DLC1: variants seen among roughly 807,000 people sequenced by gnomAD.
DLC1 encodes the protein rho GTPase-activating protein 7.
Under a neutral mutation model 140.3 loss-of-function variants are expected in DLC1, and 54 were observed. The observed-to-expected ratio is 0.38, with a 90% CI of 0.31 to 0.48. The LOEUF is 0.48. Ranked by LOEUF, DLC1 falls within the 20% of genes least tolerant of loss-of-function variation. The probability of loss-of-function intolerance (pLI) is 0.96; values close to 1 mark genes in which losing one functional copy is unlikely to be tolerated. For missense variants in DLC1, 2,536 were observed against 1,907.0 expected (o/e 1.33, Z -6.14); for synonymous variants, 986 against 728.1 (o/e 1.35, Z -5.70).
chr8:13,517,758 A>G (rs1188293149), upstream of DLC1, among the ~76,000 whole-genome samples: 1 of 152,238 alleles, frequency 6.6e-6, no homozygotes, highest in African/African-American at 2.4e-5. Context: ...AAAACAAAGT[A>G]TCAGGATAGG....
intron 2 of DLC1, among the ~76,000 whole-genome samples, chr8:13,408,633 C>T (rs141908979): frequency 2.5e-3 from 379 of 152,178 alleles, no homozygotes; most frequent in African/African-American, 8.8e-3. Flanking sequence ...TAAATCATTT[C>T]GTAAGTATGC....
chr8:13,603,998 A>G (rs1416901472), intron 1 of DLC1, among the ~76,000 whole-genome samples: 1 of 152,292 alleles, frequency 6.6e-6, no homozygotes, highest in Admixed American at 6.5e-5. Context: ...AAACTCTATG[A>G]AAAAGCTTAT....
intron 1 of DLC1, among the ~76,000 whole-genome samples, chr8:13,534,586 T>A (rs1392713814): frequency 6.6e-6 from 1 of 152,144 alleles, no homozygotes; most frequent in Non-Finnish European, 1.5e-5. Flanking sequence ...CTCTTTGCTC[T>A]GCAGACCCTA....
chr8:13,497,671 G>T, intron 2 of DLC1, among the ~76,000 whole-genome samples: 1 of 152,110 alleles, frequency 6.6e-6, no homozygotes, highest in South Asian at 2.1e-4. Flanking sequence ...TATTTTAGGG[G>T]AGCTATGCCA....
chr8:13,557,036 G>T (rs901258114), intron 1 of DLC1, among the ~76,000 whole-genome samples: 3 of 152,150 alleles, frequency 2.0e-5, no homozygotes, highest in African/African-American at 7.2e-5. Flanking sequence ...ATATTCAGGG[G>T]TCTGAAGGGT....
intron 5 of DLC1, among the ~76,000 whole-genome samples, chr8:13,197,651 A>AT (rs944004738): frequency 2.0e-5 from 3 of 151,286 alleles, no homozygotes; most frequent in East Asian, 1.9e-4. Flanking sequence ...AGGCCGATTT[A>AT]TTTTTTTTTA....
At chr8:13,097,234 A>G (rs1818576737) in intron 10 of DLC1, among the ~76,000 whole-genome samples, 1 of 142,306 alleles carries the variant, frequency 7.0e-6, no homozygotes, top group Non-Finnish European at 1.5e-5. Context: ...GATGCTACAA[A>G]TATTCACATC....
At chr8:13,129,664 C>T (rs1301185520) in intron 5 of DLC1, among the ~76,000 whole-genome samples, 1 of 152,172 alleles carries the variant, frequency 6.6e-6, no homozygotes, top group East Asian at 1.9e-4. Flanking sequence ...TGAAAATCAC[C>T]TTTCTCCCCA....
At chr8:13,176,394 C>A (rs529397143) in intron 5 of DLC1, among the ~76,000 whole-genome samples, 19 of 152,182 alleles carry the variant, frequency 1.2e-4, no homozygotes, top group African/African-American at 4.3e-4. Context: ...CTGGCTAACA[C>A]CGTGAAACCC....
At chr8:13,145,520 C>G (rs1288902611) in intron 5 of DLC1, among the ~76,000 whole-genome samples, 1 of 152,138 alleles carries the variant, frequency 6.6e-6, no homozygotes, top group African/African-American at 2.4e-5. Context: ...AGCAATTCTA[C>G]TCTAAGGGAT....
intron 5 of DLC1, among the ~76,000 whole-genome samples, chr8:13,268,147 A>T (rs942928924): frequency 6.6e-6 from 1 of 152,200 alleles, no homozygotes; most frequent in Admixed American, 6.5e-5. Context: ...CTCTATCTTA[A>T]ATAGTGGCAT....
chr8:13,279,937 G>A, intron 5 of DLC1, among the ~76,000 whole-genome samples: 1 of 151,966 alleles, frequency 6.6e-6, no homozygotes, highest in Non-Finnish European at 1.5e-5. Flanking sequence ...TAGAACAAGT[G>A]GAAATATGAG....
Position 13,514,673 on chromosome 8 carries a change from C to G in DLC1, c.-197G>C, listed in dbSNP as rs1049593738. On this transcript the variant is annotated 5_prime_UTR_variant, in exon 1 of 18. Coordinates refer to ENST00000276297, the MANE Select transcript of DLC1 (RefSeq NM_182643.3). ...CTCAGGCTAGGAAAGAAGTCCGTCC[C>G]CGTTAGTTTCTCCAAAATCTAAGTT... The G allele has an allele frequency of 1.8e-5, 7 of 398,478 alleles. No individual in the cohort carries two copies. In the Admixed American group the frequency reaches 2.6e-4, roughly 15 times the overall value. 24.7% of individuals were successfully genotyped at this position (398,478 alleles called of 1,614,324 possible).
intron 4 of DLC1, among the ~76,000 whole-genome samples, chr8:13,382,713 C>T (rs540498649): frequency 6.6e-6 from 1 of 152,086 alleles, no homozygotes; most frequent in South Asian, 2.1e-4. Flanking sequence ...AAAATAAAAT[C>T]CTTTGCTAAG....
At chr8:13,350,096 A>C (rs1215360557) in intron 4 of DLC1, among the ~76,000 whole-genome samples, 1 of 152,222 alleles carries the variant, frequency 6.6e-6, no homozygotes, top group Non-Finnish European at 1.5e-5. Context: ...TGGCCAGATC[A>C]AATGACGCCT....
At chr8:13,505,666 C>T (rs748051830) in intron 1 of DLC1, among the ~76,000 whole-genome samples, 9 of 152,042 alleles carry the variant, frequency 5.9e-5, no homozygotes, top group Admixed American at 2.0e-4. Flanking sequence ...GTCTCATGTA[C>T]GTAGCAAAGA....
At chr8:13,603,632 A>G (rs1045351000) in intron 1 of DLC1, among the ~76,000 whole-genome samples, 10 of 152,084 alleles carry the variant, frequency 6.6e-5, no homozygotes, top group Non-Finnish European at 7.4e-5. Flanking sequence ...TCTCCCCAGT[A>G]TAAACGTTCA....
chr8:13,492,777 T>G (rs1262885323), intron 2 of DLC1, among the ~76,000 whole-genome samples: 1 of 152,250 alleles, frequency 6.6e-6, no homozygotes, highest in East Asian at 1.9e-4. Context: ...ATCTTACAAT[T>G]AAATGTTTTT....
At chr8:13,595,355 C>T (rs1169037647) in intron 1 of DLC1, among the ~76,000 whole-genome samples, 1 of 151,960 alleles carries the variant, frequency 6.6e-6, no homozygotes, top group African/African-American at 2.4e-5. Flanking sequence ...TTACCAACAT[C>T]AGTGAGTGTA....
Sources: gnomAD v4.1 joint callset for allele counts (sites outside exome capture counted in the v4.1 genomes callset) on GRCh38, gnomAD v4.1.1 for gene constraint, MANE v1.5 for transcripts, NCBI Gene and HGNC (gene_info 2026-07-23, HGNC 2026-07-21) for gene names.